TTC28: variants seen among roughly 807,000 people sequenced by gnomAD.
The protein encoded by TTC28 is tetratricopeptide repeat domain 28, also known as tetratricopeptide repeat protein 28.
A neutral mutation model predicts 198.0 loss-of-function variants in TTC28; 61 were observed. That is an observed-to-expected ratio of 0.31 (90% CI 0.25 to 0.38). The LOEUF (loss-of-function observed/expected upper bound fraction) is 0.38. Among genes scored for constraint, TTC28 ranks in the 10% least tolerant of loss-of-function variants. The pLI, the probability that TTC28 is intolerant of heterozygous loss-of-function variation, is 1.00. For synonymous variants in TTC28, 1,171 were observed against 1,297.8 expected, an observed-to-expected ratio of 0.90 and a Z score of 2.10; for missense variants, 2,678 against 3,164.0, an observed-to-expected ratio of 0.85 and a Z score of 3.69.
chr22:28,652,717 A>G (rs1217174177), intron 1 of TTC28, among the ~76,000 whole-genome samples: 1 of 152,222 alleles, frequency 6.6e-6, no homozygotes, highest in East Asian at 1.9e-4. Context: ...TATTTCTTCA[A>G]AAAAATCTAG....
At chr22:28,099,647 A>T (rs1440692064) in intron 9 of TTC28, among the ~76,000 whole-genome samples, 1 of 152,258 alleles carries the variant, frequency 6.6e-6, no homozygotes, top group Non-Finnish European at 1.5e-5. Context: ...GATCTAAAAG[A>T]CAGGAATTAG....
At chr22:28,339,036 G>A (rs2045782616) in intron 2 of TTC28, among the ~76,000 whole-genome samples, 1 of 152,156 alleles carries the variant, frequency 6.6e-6, no homozygotes, top group South Asian at 2.1e-4. Flanking sequence ...TGATGCTGAT[G>A]TACAGATGGG....
chr22:28,219,016 A>G (rs1328280454), intron 5 of TTC28, among the ~76,000 whole-genome samples: 2 of 152,034 alleles, frequency 1.3e-5, no homozygotes, highest in African/African-American at 4.8e-5. Context: ...TTGTGACCTC[A>G]TGGATTCCCT....
chr22:28,196,036 A>G (rs901233173), intron 5 of TTC28, among the ~76,000 whole-genome samples: 1 of 151,894 alleles, frequency 6.6e-6, no homozygotes, highest in Non-Finnish European at 1.5e-5. Context: ...ACTTCAAACT[A>G]TACTACAAGG....
intron 6 of TTC28, among the ~76,000 whole-genome samples, chr22:28,115,498 A>G (rs2146924924): frequency 6.6e-6 from 1 of 152,374 alleles, no homozygotes; most frequent in South Asian, 2.1e-4. Flanking sequence ...AGCTCTTAGC[A>G]GCTGCATATG....
At chr22:28,535,144 A>T (rs1234130160) in intron 2 of TTC28, among the ~76,000 whole-genome samples, 6 of 148,800 alleles carry the variant, frequency 4.0e-5, no homozygotes, top group East Asian at 3.9e-4. Flanking sequence ...AAGTATATTT[A>T]AAAAAAAGGA....
chr22:28,513,390 G>C (rs1372289342), intron 2 of TTC28, among the ~76,000 whole-genome samples: 1 of 152,110 alleles, frequency 6.6e-6, no homozygotes, highest in African/African-American at 2.4e-5. Flanking sequence ...AATGGAAGTG[G>C]TATATTGACT....
At chr22:28,199,604 G>GTGTA (rs1601464381) in intron 5 of TTC28, among the ~76,000 whole-genome samples, 1 of 147,706 alleles carries the variant, frequency 6.8e-6, no homozygotes, top group African/African-American at 2.6e-5. Flanking sequence ...GTATGTGTAT[G>GTGTA]TGTATGTGTA....
intron 5 of TTC28, among the ~76,000 whole-genome samples, chr22:28,189,581 G>GA (rs1308022105): frequency 2.0e-5 from 3 of 148,998 alleles, no homozygotes; most frequent in Non-Finnish European, 4.5e-5. Flanking sequence ...AAACCAAAAA[G>GA]AAAAAAAAGA....
At chr22:28,366,072 T>G (rs2046241445) in intron 2 of TTC28, among the ~76,000 whole-genome samples, 1 of 152,200 alleles carries the variant, frequency 6.6e-6, no homozygotes, top group African/African-American at 2.4e-5. Context: ...AGCGGTTAGC[T>G]CAACAACTTC....
At chr22:28,320,246 G>A (rs1375633252) in intron 2 of TTC28, among the ~76,000 whole-genome samples, 1 of 150,730 alleles carries the variant, frequency 6.6e-6, no homozygotes, top group Non-Finnish European at 1.5e-5. Flanking sequence ...CTTGGAGAAT[G>A]TTCAGGTAAT....
chr22:28,162,694 A>T (rs1463608763), intron 6 of TTC28, among the ~76,000 whole-genome samples: 6 of 152,216 alleles, frequency 3.9e-5, no homozygotes, highest in Non-Finnish European at 8.8e-5. Flanking sequence ...TTATGCCATA[A>T]TTGTAGCACT....
rs144386853 is a variant in TTC28 at position 28,022,936 on chromosome 22, T to C, written c.4073+7290A>G. Among the ~76,000 whole-genome samples, 36 of 152,364 alleles carry C rather than the reference T, an allele frequency of 2.4e-4. No homozygotes were observed. The East Asian group carries it at 6.6e-3, about 28-fold the overall frequency. On this transcript the variant is annotated intron_variant, in intron 13 of 22. Coordinates refer to ENST00000397906, the MANE Select transcript of TTC28 (RefSeq NM_001145418.2). ...GTGAACACTGCATTTTAAGTACTTATGCAATAAGCTGCGGGCGCTTCTACC... is the reference window on the plus strand; with the variant it reads ...GTGAACACTGCATTTTAAGTACTTACGCAATAAGCTGCGGGCGCTTCTACC...
At chr22:28,517,352 T>TA (rs879859823) in intron 2 of TTC28, among the ~76,000 whole-genome samples, 59 of 152,226 alleles carry the variant, frequency 3.9e-4, no homozygotes, top group Middle Eastern at 6.8e-3. Context: ...TCCTAAATAC[T>TA]AAAAAAATCA....
chr22:28,174,748 T>G (rs1216043798), intron 5 of TTC28, among the ~76,000 whole-genome samples: 3 of 152,106 alleles, frequency 2.0e-5, no homozygotes, highest in Non-Finnish European at 4.4e-5. Flanking sequence ...ATCCACCCTT[T>G]ACTTAGGACA....
At chr22:28,077,120 T>G (rs560043966) in intron 12 of TTC28, among the ~76,000 whole-genome samples, 1 of 152,300 alleles carries the variant, frequency 6.6e-6, no homozygotes, top group East Asian at 1.9e-4. Flanking sequence ...AACCTAATAG[T>G]CCATTTTAGG....
intron 2 of TTC28, among the ~76,000 whole-genome samples, chr22:28,623,755 C>A (rs2051036015): frequency 6.6e-6 from 1 of 151,888 alleles, no homozygotes; most frequent in Non-Finnish European, 1.5e-5. Context: ...TAAGAAAACA[C>A]AAATATTTGG....
At chr22:28,309,258 A>T (rs888518579) in intron 2 of TTC28, among the ~76,000 whole-genome samples, 3 of 152,206 alleles carry the variant, frequency 2.0e-5, no homozygotes, top group Non-Finnish European at 4.4e-5. Context: ...ATATTTTAGC[A>T]TTCAATATAA....
intron 6 of TTC28, among the ~76,000 whole-genome samples, chr22:28,156,463 C>T (rs1226522128): frequency 1.3e-5 from 2 of 152,180 alleles, no homozygotes; most frequent in African/African-American, 4.8e-5. Context: ...GACTCCTGAC[C>T]TCCAGAGCTG....
Sources: gnomAD v4.1 joint callset for allele counts (sites outside exome capture counted in the v4.1 genomes callset) on GRCh38, gnomAD v4.1.1 for gene constraint, MANE v1.5 for transcripts, NCBI Gene and HGNC (gene_info 2026-07-23, HGNC 2026-07-21) for gene names.